Variants in DIP2C observed in about 807,000 individuals in gnomAD.
DIP2C encodes the protein disco-interacting protein 2 homolog C.
A neutral mutation model predicts 192.4 loss-of-function variants in DIP2C; 33 were observed. That is an observed-to-expected ratio of 0.17 (90% CI 0.13 to 0.23). DIP2C has a LOEUF of 0.23. Among genes scored for constraint, DIP2C ranks in the 10% least tolerant of loss-of-function variants. DIP2C has a pLI of 1.00. For synonymous variants in DIP2C, 979 were observed against 864.1 expected, an observed-to-expected ratio of 1.13 and a Z score of -2.33; for missense variants, 1,537 against 2,110.1, an observed-to-expected ratio of 0.73 and a Z score of 5.32.
chr10:396,193 T>C (rs949779392), intron 10 of DIP2C, among the ~76,000 whole-genome samples: 8 of 152,216 alleles, frequency 5.3e-5, no homozygotes, highest in African/African-American at 1.9e-4. Context: ...GGTACTTAAT[T>C]CATTATTTCA....
chr10:528,693 G>A (rs900330304), intron 1 of DIP2C, among the ~76,000 whole-genome samples: 15 of 152,306 alleles, frequency 9.8e-5, no homozygotes, highest in African/African-American at 3.6e-4. Flanking sequence ...CCGGGAGCAC[G>A]TGCTTGGATA....
At chr10:406,419 A>AC (rs1964811335) in intron 9 of DIP2C, among the ~76,000 whole-genome samples, 1 of 152,106 alleles carries the variant, frequency 6.6e-6, no homozygotes, top group African/African-American at 2.4e-5. Context: ...CTGGCACCTA[A>AC]CCTTTCTGCT....
chr10:632,227 A>G (rs1459066056), intron 1 of DIP2C, among the ~76,000 whole-genome samples: 1 of 152,264 alleles, frequency 6.6e-6, no homozygotes. Flanking sequence ...GTGGCCCAGT[A>G]TAGGTCAAGG....
At chr10:381,531 G>A (rs1366554649) in intron 17 of DIP2C, among the ~76,000 whole-genome samples, 1 of 152,152 alleles carries the variant, frequency 6.6e-6, no homozygotes, top group African/African-American at 2.4e-5. Context: ...TGTAACCCAT[G>A]GTGGGCCGTG....
At chr10:573,106 T>C (rs974059941) in intron 1 of DIP2C, among the ~76,000 whole-genome samples, 1 of 152,178 alleles carries the variant, frequency 6.6e-6, no homozygotes, top group African/African-American at 2.4e-5. Context: ...TTTTAGCATG[T>C]AAGTGAATTA....
At chr10:446,187 A>G (rs1968187758) in intron 3 of DIP2C, among the ~76,000 whole-genome samples, 1 of 148,938 alleles carries the variant, frequency 6.7e-6, no homozygotes, top group South Asian at 2.1e-4. Context: ...CAAAGAGTCT[A>G]TCTTGCACTG....
At chr10:599,772 G>A (rs1023374699) in intron 1 of DIP2C, among the ~76,000 whole-genome samples, 4 of 152,176 alleles carry the variant, frequency 2.6e-5, no homozygotes, top group East Asian at 1.9e-4. Context: ...ATGTAAATGC[G>A]GTTGTCATCC....
At chr10:485,299 G>A (rs1212795550) in intron 2 of DIP2C, among the ~76,000 whole-genome samples, 2 of 152,206 alleles carry the variant, frequency 1.3e-5, no homozygotes, top group African/African-American at 2.4e-5. Flanking sequence ...GGCAGCTGTC[G>A]CCCCATGGCT....
At chr10:649,945 A>G (rs1855748943) in intron 1 of DIP2C, 1 of 612,648 alleles carries the variant, frequency 1.6e-6, no homozygotes, top group South Asian at 1.9e-5. Context: ...GCCGCACACC[A>G]TTAACACATC....
chr10:298,815 A>C (rs1450354677), intron 32 of DIP2C, among the ~76,000 whole-genome samples: 1 of 152,200 alleles, frequency 6.6e-6, no homozygotes, highest in African/African-American at 2.4e-5. Flanking sequence ...ACCTCCACCC[A>C]ACCCTCCAGT....
chr10:363,452 T>C lies in DIP2C; in HGVS notation c.2478-141A>G. On this transcript the variant is annotated intron_variant, in intron 20 of 36. Transcript: ENST00000280886. The surrounding 1 kb of genome is among the most constrained non-coding windows in gnomAD (Gnocchi z 5.4). ...TCAAAACGGCCGCTGTACTTCCGAA[T>C]TTCCCCACACTCATCAGTACGGGAA... 1.4e-6 allele frequency: 1 copy of C among 697,518 alleles called. No homozygotes were observed. Among genetic ancestry groups the C allele is most frequent in the East Asian group, 2.7e-5 (1 of 36,676 alleles). The allele number at this position is 697,518 out of a possible 1,614,324, so 43.2% of individuals were successfully genotyped here.
intron 3 of DIP2C, among the ~76,000 whole-genome samples, chr10:461,621 G>A (rs1246960845): frequency 3.3e-5 from 5 of 152,084 alleles, no homozygotes; most frequent in Non-Finnish European, 5.9e-5. Flanking sequence ...GTATTAGACA[G>A]ATTGAGACAG....
At chr10:329,891 G>A (rs925249252) in intron 29 of DIP2C, among the ~76,000 whole-genome samples, 2 of 152,026 alleles carry the variant, frequency 1.3e-5, no homozygotes, top group African/African-American at 2.4e-5. Context: ...TCAGACCTGC[G>A]ACATCAGCAA....
At chr10:482,844 C>T (rs1479212072) in intron 2 of DIP2C, among the ~76,000 whole-genome samples, 1 of 152,188 alleles carries the variant, frequency 6.6e-6, no homozygotes, top group Admixed American at 6.5e-5. Flanking sequence ...TTTGACTGGG[C>T]TTAGAGACTG....
chr10:464,159 C>CCTT (rs1189198064), intron 3 of DIP2C, among the ~76,000 whole-genome samples: 4 of 152,146 alleles, frequency 2.6e-5, no homozygotes, highest in Admixed American at 2.0e-4. Flanking sequence ...TCTAATTAAA[C>CCTT]TAAAGTGCTT....
intron 3 of DIP2C, among the ~76,000 whole-genome samples, chr10:466,518 CAA>C (rs1749365587): frequency 7.3e-6 from 1 of 136,430 alleles, no homozygotes; most frequent in African/African-American, 2.6e-5. Flanking sequence ...GCAATGGCAA[CAA>C]AAGACAAAAT....
intron 3 of DIP2C, among the ~76,000 whole-genome samples, chr10:446,471 T>C (rs568133741): frequency 1.1e-4 from 17 of 151,896 alleles, no homozygotes; most frequent in African/African-American, 3.9e-4. Context: ...ATTCACACCA[T>C]TTCTGGTTGC....
In DIP2C at chr10:689,519, G is replaced by A; in HGVS notation, c.60C>T (p.Ala20=). Residue 20 remains alanine, a synonymous_variant, in exon 1 of 37, where the codon GCC becomes GCT. Coordinates refer to ENST00000280886, the MANE Select transcript of DIP2C (RefSeq NM_014974.3). The surrounding 1 kb of genome is among the most constrained non-coding windows in gnomAD (Gnocchi z 6.1). ...CTTCCGACAGCTCCAGCTCCAGCTC[G>A]GCCAGGCGCGCCCGCACCTCCAGGG... is the stretch of plus-strand genomic sequence containing the variant. ...ALPLEVRARL[A]ELELELSEGD... is the part of the protein sequence containing the mutation. The A allele has an allele frequency of 1.5e-6, 2 of 1,292,390 alleles. No individual in the cohort carries two copies. The highest frequency in any genetic ancestry group is 2.0e-6 in the Non-Finnish European group (2 of 1,001,022). 80.1% of individuals were successfully genotyped at this position (1,292,390 alleles called of 1,614,324 possible). A position where few individuals can be genotyped will look rare whatever the true frequency, so the allele number is the denominator to read the frequency against.
intron 32 of DIP2C, among the ~76,000 whole-genome samples, chr10:302,512 C>G (rs1289699125): frequency 6.6e-6 from 1 of 152,158 alleles, no homozygotes; most frequent in Non-Finnish European, 1.5e-5. Context: ...ATATGAAACA[C>G]TGAGAAGCTG....
Sources: gnomAD v4.1 joint callset for allele counts (sites outside exome capture counted in the v4.1 genomes callset) on GRCh38, gnomAD v4.1.1 for gene constraint, Gnocchi (gnomAD v3.1) non-coding constraint, MANE v1.5 for transcripts, NCBI Gene and HGNC (gene_info 2026-07-23, HGNC 2026-07-21) for gene names.